The following CFAP54 variants were observed in gnomAD, a reference collection of about 807,000 sequenced individuals.
The protein encoded by CFAP54 is cilia and flagella associated protein 54.
In CFAP54, 290 loss-of-function variants were observed where a neutral mutation model predicts 370.4. The ratio of observed to expected loss-of-function variants is 0.78; its 90% CI spans 0.71 to 0.86. CFAP54 has a LOEUF of 0.86. CFAP54 is among the 40% of genes least tolerant of loss of function. CFAP54 has a pLI of 0.00. For synonymous variants in CFAP54, 1,206 were observed against 1,236.5 expected (o/e 0.98, Z 0.52); for missense variants, 3,399 against 3,528.7 (o/e 0.96, Z 0.93).
intron 62 of CFAP54, among the ~76,000 whole-genome samples, chr12:96,788,051 A>G (rs1164328585): frequency 6.6e-6 from 1 of 151,892 alleles, no homozygotes; most frequent in Non-Finnish European, 1.5e-5. Flanking sequence ...CGAAAAAGTG[A>G]GTTATTTAAG....
chr12:96,675,118 A>G (rs1957191351), intron 39 of CFAP54, among the ~76,000 whole-genome samples: 1 of 152,110 alleles, frequency 6.6e-6, no homozygotes, highest in Admixed American at 6.5e-5. Context: ...GCTTCTGCAC[A>G]GCAAAAGAAA....
At chr12:96,621,522 A>G (rs1196754287) in intron 26 of CFAP54, 68 bp from the exon 27 acceptor site, 3 of 1,091,242 alleles carry the variant, frequency 2.7e-6, no homozygotes, top group Non-Finnish European at 3.7e-6. Flanking sequence ...TTTATGGAAA[A>G]TGATGCATTA....
intron 36 of CFAP54, among the ~76,000 whole-genome samples, chr12:96,653,559 A>G (rs1282841467): frequency 1.3e-5 from 2 of 152,208 alleles, no homozygotes; most frequent in African/African-American, 2.4e-5. Flanking sequence ...GAGAAATTAG[A>G]GAATATTTGA....
chr12:96,828,567 G>T (rs1959154179), intron 65 of CFAP54, among the ~76,000 whole-genome samples: 1 of 152,088 alleles, frequency 6.6e-6, no homozygotes, highest in Non-Finnish European at 1.5e-5. Flanking sequence ...CTGTGGGTAG[G>T]TCCCTTGTGG....
At position 96,743,887 on chromosome 12, in the gene CFAP54, G is replaced by T; in HGVS notation, c.7534G>T (p.Ala2512Ser). 1 of 1,613,084 alleles carries T rather than the reference G, an allele frequency of 6.2e-7. No individual in the cohort carries two copies. The highest frequency in any genetic ancestry group is 8.5e-7 in the Non-Finnish European group (1 of 1,179,698). The change falls in exon 54 of 68, where the codon GCT (alanine) becomes TCT (serine). Residue 2512 changes from alanine (A) to serine (S), a missense_variant. Coordinates refer to ENST00000524981, the MANE Select transcript of CFAP54 (RefSeq NM_001306084.2). ...KTGKLNLLTRAHSILTEQMLA... is the reference protein window; with the variant it reads ...KTGKLNLLTRSHSILTEQMLA... ...AGGAAAATTAAATTTGTTAACTCGG[G>T]CTCATAGCATTCTAACTGAACAGGT... is the stretch of plus-strand genomic sequence containing the variant.
chr12:96,737,918 G>A (rs1345029488), intron 50 of CFAP54, among the ~76,000 whole-genome samples: 2 of 152,132 alleles, frequency 1.3e-5, no homozygotes, highest in Admixed American at 6.5e-5. Flanking sequence ...TCTCAGTAAC[G>A]GATCCAAAGG....
At chr12:96,552,336 T>C (rs946372892) in intron 15 of CFAP54, among the ~76,000 whole-genome samples, 2 of 151,182 alleles carry the variant, frequency 1.3e-5, no homozygotes, top group African/African-American at 4.9e-5. Context: ...TATTTAGTAA[T>C]AATAATCTTT....
chr12:96,871,337 T>C (rs1366298680), intron 67 of CFAP54, among the ~76,000 whole-genome samples: 1 of 152,126 alleles, frequency 6.6e-6, no homozygotes, highest in Non-Finnish European at 1.5e-5. Flanking sequence ...AGGAGGGAAA[T>C]ACCTTAAGAA....
Position 96,592,652 on chromosome 12 carries a change from G to A in CFAP54, c.3360+15G>A, listed in dbSNP as rs1956138293. 2 of 945,486 alleles carry A rather than the reference G, an allele frequency of 2.1e-6. No individual in the cohort carries two copies. The highest frequency in any genetic ancestry group is 2.9e-6 in the Non-Finnish European group (2 of 694,218). The allele number at this position is 945,486 out of a possible 1,614,324, so 58.6% of individuals were successfully genotyped here. Reference sequence around the variant, plus strand: ...CATCTCAACAAGTAAGTGAATTAAAGTGACTAAAAACATGTCAGATTCACT... The same window carrying A: ...CATCTCAACAAGTAAGTGAATTAAAATGACTAAAAACATGTCAGATTCACT... On this transcript the variant is annotated intron_variant, in intron 24 of 67. Coordinates refer to ENST00000524981, the MANE Select transcript of CFAP54 (RefSeq NM_001306084.2).
At chr12:96,726,233 A>G (rs1403530595) in intron 50 of CFAP54, among the ~76,000 whole-genome samples, 4 of 151,666 alleles carry the variant, frequency 2.6e-5, no homozygotes, top group Non-Finnish European at 5.9e-5. Context: ...ATTGATTGGA[A>G]TAGTTTCAGA....
chr12:96,818,648 G>GT (rs1453430811), intron 65 of CFAP54, among the ~76,000 whole-genome samples: 2 of 152,198 alleles, frequency 1.3e-5, no homozygotes, highest in East Asian at 1.9e-4. Context: ...TAACCACAGG[G>GT]TTTCCCCATT....
At chr12:96,802,276 G>A (rs1181676431) in intron 63 of CFAP54, among the ~76,000 whole-genome samples, 1 of 152,052 alleles carries the variant, frequency 6.6e-6, no homozygotes, top group Non-Finnish European at 1.5e-5. Context: ...CTTTCCTGAG[G>A]GGGACACCAC....
chr12:96,844,115 G>T (rs1197778504), intron 66 of CFAP54, among the ~76,000 whole-genome samples: 1 of 152,130 alleles, frequency 6.6e-6, no homozygotes, highest in Non-Finnish European at 1.5e-5. Flanking sequence ...GACATGTTGT[G>T]GTAGGTTGAA....
intron 60 of CFAP54, among the ~76,000 whole-genome samples, chr12:96,774,519 C>T (rs1958496089): frequency 6.6e-6 from 1 of 152,082 alleles, no homozygotes; most frequent in Non-Finnish European, 1.5e-5. Flanking sequence ...GGTTTCAATA[C>T]ATTTTTTAAA....
intron 4 of CFAP54, among the ~76,000 whole-genome samples, chr12:96,508,803 A>G (rs74755539): frequency 0.011 from 1,705 of 151,672 alleles, 24 homozygotes; most frequent in Middle Eastern, 0.024. Flanking sequence ...TGCCTGCTGA[A>G]TTATATTGCA....
intron 34 of CFAP54, 69 bp from the exon 35 acceptor site, chr12:96,649,822 C>T (rs1479713272): frequency 1.0e-6 from 1 of 986,782 alleles, no homozygotes; most frequent in South Asian, 1.7e-5. Flanking sequence ...TGATCCTTAT[C>T]ACCTACTGTG....
intron 66 of CFAP54, among the ~76,000 whole-genome samples, chr12:96,839,545 A>G (rs756513399): frequency 1.3e-5 from 2 of 152,240 alleles, no homozygotes; most frequent in Non-Finnish European, 2.9e-5. Context: ...TCCCATTCCC[A>G]TCTGTCCCTG....
intron 62 of CFAP54, among the ~76,000 whole-genome samples, chr12:96,791,252 T>C (rs773167663): frequency 1.3e-5 from 2 of 151,330 alleles, no homozygotes; most frequent in African/African-American, 4.9e-5. Flanking sequence ...TGGCGTGATA[T>C]CGGCTCACTG....
At chr12:96,850,315 A>G (rs558416671) in intron 66 of CFAP54, among the ~76,000 whole-genome samples, 1 of 148,840 alleles carries the variant, frequency 6.7e-6, no homozygotes, top group Non-Finnish European at 1.5e-5. Flanking sequence ...ACACCATTGC[A>G]CTCCAGAGAG....
Sources: gnomAD v4.1 joint callset for allele counts (sites outside exome capture counted in the v4.1 genomes callset) on GRCh38, gnomAD v4.1.1 for gene constraint, MANE v1.5 for transcripts, NCBI Gene and HGNC (gene_info 2026-07-23, HGNC 2026-07-21) for gene names.